Variants in NKAIN2 observed in about 807,000 individuals in gnomAD.
NKAIN2 encodes the protein sodium/potassium-transporting ATPase subunit beta-1-interacting protein 2.
Under a neutral mutation model 32.6 loss-of-function variants are expected in NKAIN2, and 14 were observed. The observed-to-expected ratio is 0.43, with a 90% CI of 0.28 to 0.67. The LOEUF (loss-of-function observed/expected upper bound fraction) is 0.67, where lower values mean the gene tolerates loss of function less well. Among genes scored for constraint, NKAIN2 ranks in the 30% least tolerant of loss-of-function variants. The pLI is 0.17. For synonymous variants in NKAIN2, 80 were observed against 87.2 expected (o/e 0.92, Z 0.46); for missense variants, 198 against 258.3 (o/e 0.77, Z 1.60).
intron 1 of NKAIN2, among the ~76,000 whole-genome samples, chr6:123,806,331 A>G (rs1464044198): frequency 6.6e-6 from 1 of 152,102 alleles, no homozygotes; most frequent in Non-Finnish European, 1.5e-5. Flanking sequence ...ATGTGCCACC[A>G]GGCTAATATA....
chr6:124,563,921 T>A (rs930021430), intron 3 of NKAIN2, among the ~76,000 whole-genome samples: 2 of 152,114 alleles, frequency 1.3e-5, no homozygotes, highest in African/African-American at 2.4e-5. Flanking sequence ...GTGGCGGGAA[T>A]GCAGCGAGTC....
intron 1 of NKAIN2, among the ~76,000 whole-genome samples, chr6:123,982,456 T>G (rs1562291509): frequency 6.6e-6 from 1 of 152,152 alleles, no homozygotes; most frequent in Non-Finnish European, 1.5e-5. Flanking sequence ...TTATGATATT[T>G]CAGTTTTTGA....
intron 1 of NKAIN2, among the ~76,000 whole-genome samples, chr6:124,010,717 G>A (rs376368648): frequency 6.6e-6 from 1 of 151,876 alleles, no homozygotes; most frequent in Non-Finnish European, 1.5e-5. Flanking sequence ...CATGTGGAAG[G>A]TTAGACTGAA....
At chr6:124,698,692 T>C (rs570291388) in intron 4 of NKAIN2, among the ~76,000 whole-genome samples, 1 of 152,292 alleles carries the variant, frequency 6.6e-6, no homozygotes, top group South Asian at 2.1e-4. Context: ...GTGATTGTAA[T>C]TTATGTATTG....
At chr6:124,121,091 C>T (rs1044589106) in intron 1 of NKAIN2, among the ~76,000 whole-genome samples, 13 of 152,004 alleles carry the variant, frequency 8.6e-5, no homozygotes, top group African/African-American at 2.7e-4. Context: ...TTTCTGCAAA[C>T]GGATAGAAAT....
intron 1 of NKAIN2, among the ~76,000 whole-genome samples, chr6:124,223,125 A>T (rs1188013517): frequency 6.6e-6 from 1 of 150,454 alleles, no homozygotes; most frequent in African/African-American, 2.5e-5. Flanking sequence ...AGGCAGGAGA[A>T]TCATTTCGAC....
intron 3 of NKAIN2, among the ~76,000 whole-genome samples, chr6:124,468,711 G>A (rs1776856826): frequency 6.6e-6 from 1 of 152,144 alleles, no homozygotes; most frequent in Admixed American, 6.6e-5. Context: ...ATGCTGAAAA[G>A]AGCAAAAGAA....
intron 3 of NKAIN2, among the ~76,000 whole-genome samples, chr6:124,462,788 C>T (rs1205651088): frequency 6.6e-6 from 1 of 152,132 alleles, no homozygotes; most frequent in African/African-American, 2.4e-5. Flanking sequence ...ATGTATATCT[C>T]TATTGAGTAC....
chr6:124,101,780 C>G (rs1244614122), intron 1 of NKAIN2, among the ~76,000 whole-genome samples: 1 of 152,062 alleles, frequency 6.6e-6, no homozygotes, highest in African/African-American at 2.4e-5. Context: ...GAGTACATGA[C>G]TGACTTAGGT....
chr6:124,269,274 C>T (rs537031805), intron 1 of NKAIN2, among the ~76,000 whole-genome samples: 56 of 152,192 alleles, frequency 3.7e-4, no homozygotes, highest in African/African-American at 9.4e-4. Flanking sequence ...GCAGCATCTC[C>T]GTATCTGTGT....
chr6:124,705,387 C>T (rs964224021), intron 4 of NKAIN2, among the ~76,000 whole-genome samples: 12 of 151,972 alleles, frequency 7.9e-5, no homozygotes, highest in African/African-American at 2.9e-4. Context: ...AATGATACCA[C>T]ATGACACAGA....
chr6:124,559,365 C>G (rs535184955), intron 3 of NKAIN2, among the ~76,000 whole-genome samples: 1 of 152,112 alleles, frequency 6.6e-6, no homozygotes, highest in Admixed American at 6.5e-5. Context: ...AGTGGACATA[C>G]AAGTTGTCTC....
chr6:123,891,035 C>A (rs759132675), intron 1 of NKAIN2, among the ~76,000 whole-genome samples: 1 of 152,110 alleles, frequency 6.6e-6, no homozygotes, highest in Non-Finnish European at 1.5e-5. Flanking sequence ...AATTTTCTTA[C>A]ATGCTACAAC....
chr6:124,400,901 AT>A (rs1773597869), intron 3 of NKAIN2, among the ~76,000 whole-genome samples: 2 of 152,128 alleles, frequency 1.3e-5, no homozygotes, highest in East Asian at 3.9e-4. Context: ...TAATATTTCC[AT>A]ATAAATTAAA....
chr6:124,648,107 C>T lies in NKAIN2; in HGVS notation c.274-10079C>T, dbSNP rs556862527. Among the ~76,000 whole-genome samples, 137 of 152,270 alleles carry T rather than the reference C, an allele frequency of 9.0e-4. 1 individual carries two copies. In the South Asian group the frequency reaches 9.1e-3, roughly 10 times the overall value. The stretch of plus-strand genomic sequence containing the variant: ...ACCATTGCAATGGGAGAGAAGACCA[C>T]TGCAGAAGAGAGACAGACTGAACTC... On this transcript the variant is annotated intron_variant, in intron 3 of 6. Coordinates refer to ENST00000368417, the MANE Select transcript of NKAIN2 (RefSeq NM_001040214.3).
Position 123,835,529 on chromosome 6 carries a change from T to A in NKAIN2, c.54+31275T>A, listed in dbSNP as rs752626582. 3.9e-5 allele frequency among the ~76,000 whole-genome samples: 6 copies of A among 152,238 alleles called. 1 individual carries two copies. Among genetic ancestry groups the A allele is most frequent in the Non-Finnish European group, 7.3e-5 (5 of 68,032 alleles). On this transcript the variant is annotated intron_variant, in intron 1 of 6. Transcript: ENST00000368417. ...TTTGTTCTTTTTCATAGATATTTTC[T>A]TGAGTACATAAAGCAAAGCAAGTGT...
At chr6:124,641,889 G>A (rs946276390) in intron 3 of NKAIN2, among the ~76,000 whole-genome samples, 4 of 151,856 alleles carry the variant, frequency 2.6e-5, no homozygotes, top group African/African-American at 2.4e-5. Context: ...AATACCACTG[G>A]CCTTTACTTA....
At chr6:124,406,278 A>C (rs1412836950) in intron 3 of NKAIN2, among the ~76,000 whole-genome samples, 6 of 151,474 alleles carry the variant, frequency 4.0e-5, no homozygotes, top group African/African-American at 9.7e-5. Flanking sequence ...AATCTTATTT[A>C]TTTCTTTCTC....
intron 1 of NKAIN2, among the ~76,000 whole-genome samples, chr6:124,270,364 T>C (rs1304958985): frequency 6.6e-6 from 1 of 152,198 alleles, no homozygotes; most frequent in Non-Finnish European, 1.5e-5. Context: ...TATACATTGT[T>C]TCTCTGATAA....
Sources: allele counts gnomAD v4.1 joint callset (sites outside exome capture counted in the v4.1 genomes callset), GRCh38; gene constraint gnomAD v4.1.1; transcripts MANE v1.5; gene names NCBI Gene and HGNC (gene_info 2026-07-23, HGNC 2026-07-21).